Variants in RALA observed in about 807,000 individuals in gnomAD.
The protein encoded by RALA is RAS like proto-oncogene A, also known as ras-related protein Ral-A.
In RALA, 5 loss-of-function variants were observed where a neutral mutation model predicts 24.0. The ratio of observed to expected loss-of-function variants is 0.21; its 90% CI spans 0.11 to 0.44. The LOEUF (loss-of-function observed/expected upper bound fraction) is 0.44, where lower values mean the gene tolerates loss of function less well. Among genes scored for constraint, RALA ranks in the 20% least tolerant of loss-of-function variants. The probability of loss-of-function intolerance (pLI) is 0.99; values close to 1 mark genes in which losing one functional copy is unlikely to be tolerated. For missense variants in RALA, 95 were observed against 241.2 expected (o/e 0.39, Z 4.01); for synonymous variants, 77 against 83.8 (o/e 0.92, Z 0.44).
intron 1 of RALA, among the ~76,000 whole-genome samples, chr7:39,650,635 A>G (rs1487046734): frequency 1.3e-5 from 2 of 152,162 alleles, no homozygotes; most frequent in Non-Finnish European, 1.5e-5. Context: ...AAGGGGCCCT[A>G]GTCTCAAACT....
At position 39,628,376 on chromosome 7, in the gene RALA, T is replaced by TACACACACACAC. The variant is rs36095637; in HGVS notation, c.-38+4577_-38+4588dup. ...CAGCAGTCCACAGTAACCTCATAACTACACACACACACACACACACACACA... is the reference window on the plus strand; with the variant it reads ...CAGCAGTCCACAGTAACCTCATAACTACACACACACACACACACACACACACACACACACACA... On this transcript the variant is annotated intron_variant, in intron 1 of 4. Transcript: ENST00000005257. Among the ~76,000 whole-genome samples, 98 of 145,142 alleles carry TACACACACACAC rather than the reference T, an allele frequency of 6.8e-4. 1 individual carries two copies. Among genetic ancestry groups the TACACACACACAC allele is most frequent in the Admixed American group, 1.3e-3 (19 of 14,518 alleles).
chr7:39,675,595 G>A (rs1562619219), intron 1 of RALA, among the ~76,000 whole-genome samples: 1 of 152,064 alleles, frequency 6.6e-6, no homozygotes, highest in African/African-American at 2.4e-5. Flanking sequence ...TGAGGGTGGT[G>A]CGTGCCTGTA....
intron 1 of RALA, 105 bp from the exon 2 acceptor site, chr7:39,686,526 C>A: frequency 1.6e-6 from 1 of 616,808 alleles, no homozygotes; most frequent in Non-Finnish European, 2.8e-6. Flanking sequence ...AAAATCACTA[C>A]AGATTGAAAA....
At chr7:39,683,840 AACACACACACAC>A (rs71964842) in intron 1 of RALA, among the ~76,000 whole-genome samples, 108 of 148,050 alleles carry the variant, frequency 7.3e-4, no homozygotes, top group Non-Finnish European at 1.2e-3. Flanking sequence ...TTTTCTTTTG[AACACACACACAC>A]ACACACACAC....
intron 1 of RALA, among the ~76,000 whole-genome samples, chr7:39,663,842 G>C (rs1185284436): frequency 1.5e-4 from 23 of 152,124 alleles, no homozygotes; most frequent in Admixed American, 1.5e-3. Flanking sequence ...TGTGATTCCA[G>C]AAAAAGCAGT....
intron 1 of RALA, among the ~76,000 whole-genome samples, chr7:39,670,309 G>A (rs970913922): frequency 3.9e-5 from 6 of 151,962 alleles, no homozygotes; most frequent in Admixed American, 6.6e-5. Flanking sequence ...CCACATCCAG[G>A]TAATTTTTAT....
chr7:39,653,353 G>T lies in RALA; in HGVS notation c.-38+29528G>T, dbSNP rs557112892. Reference sequence around the variant, plus strand: ...TATTATTATTGTTTTTTGAGATAGGGTCTTGCTCTGTCACCCAGGCTGAAG... The same window carrying T: ...TATTATTATTGTTTTTTGAGATAGGTTCTTGCTCTGTCACCCAGGCTGAAG... On this transcript the variant is annotated intron_variant, in intron 1 of 4. Transcript: ENST00000005257. Among the ~76,000 whole-genome samples, 16 of 152,042 alleles carry T rather than the reference G, an allele frequency of 1.1e-4. 1 individual carries two copies. The South Asian group carries it at 3.3e-3, about 32-fold the overall frequency.
intron 1 of RALA, among the ~76,000 whole-genome samples, chr7:39,660,860 T>C (rs1212435942): frequency 6.6e-6 from 1 of 152,224 alleles, no homozygotes; most frequent in Non-Finnish European, 1.5e-5. Context: ...ACAAATCTTA[T>C]AAAAAGTTAA....
chr7:39,677,010 G>A (rs1427341158), intron 1 of RALA, among the ~76,000 whole-genome samples: 2 of 152,180 alleles, frequency 1.3e-5, no homozygotes, highest in African/African-American at 4.8e-5. Context: ...GATTATTCTG[G>A]ATCATCTGGT....
At chr7:39,675,943 A>G (rs1372898591) in intron 1 of RALA, among the ~76,000 whole-genome samples, 1 of 151,954 alleles carries the variant, frequency 6.6e-6, no homozygotes, top group East Asian at 1.9e-4. Context: ...TGAAATTTAT[A>G]ATGATTTGAT....
At chr7:39,701,635 G>T (rs1793028818) in intron 4 of RALA, among the ~76,000 whole-genome samples, 1 of 152,230 alleles carries the variant, frequency 6.6e-6, no homozygotes, top group Non-Finnish European at 1.5e-5. Flanking sequence ...TTATTAAATT[G>T]TGAAGTGTCA....
chr7:39,657,327 G>A (rs1050587833), intron 1 of RALA, among the ~76,000 whole-genome samples: 3 of 152,134 alleles, frequency 2.0e-5, no homozygotes, highest in East Asian at 3.9e-4. Flanking sequence ...AACTCTTATC[G>A]AACCCTTATT....
chr7:39,628,376 T>TACAC (rs36095637), intron 1 of RALA, among the ~76,000 whole-genome samples: 12,705 of 144,998 alleles, frequency 0.088, 547 homozygotes, highest in Admixed American at 0.11. Flanking sequence ...ACCTCATAAC[T>TACAC]ACACACACAC....
At chr7:39,632,130 C>T (rs758212627) in intron 1 of RALA, among the ~76,000 whole-genome samples, 2 of 152,188 alleles carry the variant, frequency 1.3e-5, no homozygotes, top group African/African-American at 2.4e-5. Context: ...TGCCCTATGA[C>T]GGAAACATCC....
intron 3 of RALA, among the ~76,000 whole-genome samples, chr7:39,692,254 C>T (rs766781669): frequency 1.1e-4 from 17 of 152,206 alleles, no homozygotes; most frequent in Non-Finnish European, 2.2e-4. Flanking sequence ...ATTGCTTCCT[C>T]GTCTATATAT....
intron 2 of RALA, among the ~76,000 whole-genome samples, chr7:39,688,611 T>C (rs911521210): frequency 1.3e-5 from 2 of 150,706 alleles, no homozygotes; most frequent in Non-Finnish European, 2.9e-5. Context: ...AGATAACGTC[T>C]TGCTCTGTTG....
chr7:39,627,351 C>T (rs1445167829), intron 1 of RALA, among the ~76,000 whole-genome samples: 1 of 152,026 alleles, frequency 6.6e-6, no homozygotes, highest in African/African-American at 2.4e-5. Context: ...GTAGTCTTTA[C>T]AAGCCAAAAA....
intron 1 of RALA, among the ~76,000 whole-genome samples, chr7:39,631,812 G>T (rs558805205): frequency 3.3e-5 from 5 of 152,186 alleles, no homozygotes; most frequent in African/African-American, 7.2e-5. Context: ...GACTATGTTA[G>T]CCTCTTTTGC....
intron 1 of RALA, among the ~76,000 whole-genome samples, chr7:39,652,799 T>A (rs572831880): frequency 6.6e-6 from 1 of 152,186 alleles, no homozygotes; most frequent in South Asian, 2.1e-4. Flanking sequence ...TTTGAGATGG[T>A]CTGTTGCCCA....
Sources: gnomAD v4.1 joint callset for allele counts (sites outside exome capture counted in the v4.1 genomes callset) on GRCh38, gnomAD v4.1.1 for gene constraint, MANE v1.5 for transcripts, NCBI Gene and HGNC (gene_info 2026-07-23, HGNC 2026-07-21) for gene names.